The following EPHA6 variants were observed in gnomAD, a reference collection of about 807,000 sequenced individuals.
EPHA6 encodes EPH receptor A6.
In EPHA6, 50 loss-of-function variants were observed where a neutral mutation model predicts 112.0. The observed-to-expected ratio is 0.45, with a 90% CI of 0.36 to 0.56. The LOEUF (loss-of-function observed/expected upper bound fraction) is 0.56, where lower values mean the gene tolerates loss of function less well. Among genes scored for constraint, EPHA6 ranks in the 20% least tolerant of loss-of-function variants. The pLI is 0.00. For missense variants in EPHA6, 1,280 were observed against 1,417.4 expected, an observed-to-expected ratio of 0.90 and a Z score of 1.56; for synonymous variants, 529 against 490.7, an observed-to-expected ratio of 1.08 and a Z score of -1.03.
chr3:97,159,881 G>T (rs142412376), intron 3 of EPHA6, among the ~76,000 whole-genome samples: 1 of 152,104 alleles, frequency 6.6e-6, no homozygotes, highest in South Asian at 2.1e-4. Context: ...ATGTATCTAC[G>T]GTGTGTTATT....
At chr3:97,547,675 G>T (rs1335596224) in intron 11 of EPHA6, among the ~76,000 whole-genome samples, 1 of 152,216 alleles carries the variant, frequency 6.6e-6, no homozygotes, top group African/African-American at 2.4e-5. Context: ...GCCTACAGAG[G>T]CAGGCAGGAC....
At chr3:96,992,178 G>A (rs2043241275) in intron 3 of EPHA6, among the ~76,000 whole-genome samples, 2 of 152,088 alleles carry the variant, frequency 1.3e-5, no homozygotes, top group Non-Finnish European at 2.9e-5. Context: ...TCTCTTCCAA[G>A]CTATCACAGG....
At chr3:97,553,404 A>T (rs1277188496) in intron 11 of EPHA6, among the ~76,000 whole-genome samples, 2 of 152,054 alleles carry the variant, frequency 1.3e-5, no homozygotes, top group East Asian at 3.9e-4. Flanking sequence ...TACTTATTTT[A>T]TATGTTTTGG....
chr3:97,465,985 G>GTT (rs1300942199), intron 7 of EPHA6, among the ~76,000 whole-genome samples: 2 of 149,540 alleles, frequency 1.3e-5, no homozygotes, highest in African/African-American at 4.9e-5. Context: ...TTCTTTTTTT[G>GTT]TTTTTGCATC....
intron 5 of EPHA6, among the ~76,000 whole-genome samples, chr3:97,355,687 C>T (rs114220096): frequency 0.015 from 2,251 of 152,210 alleles, 50 homozygotes; most frequent in African/African-American, 0.049. Context: ...TTACCAATAA[C>T]AACATTGAAA....
chr3:97,103,481 T>C (rs2047469785), intron 3 of EPHA6, among the ~76,000 whole-genome samples: 1 of 152,144 alleles, frequency 6.6e-6, no homozygotes, highest in Admixed American at 6.6e-5. Flanking sequence ...TTGTTTATCC[T>C]ATTCCATTGG....
At chr3:97,106,106 G>A (rs114225934) in intron 3 of EPHA6, among the ~76,000 whole-genome samples, 2,001 of 152,086 alleles carry the variant, frequency 0.013, 40 homozygotes, top group African/African-American at 0.047. Flanking sequence ...TTACTAAAAT[G>A]TATATATTAA....
At chr3:97,613,851 A>G (rs2093740810) in intron 13 of EPHA6, among the ~76,000 whole-genome samples, 1 of 152,184 alleles carries the variant, frequency 6.6e-6, no homozygotes, top group Admixed American at 6.5e-5. Flanking sequence ...ATTCACACTA[A>G]TGTATTTTCT....
intron 3 of EPHA6, among the ~76,000 whole-genome samples, chr3:97,120,518 C>T (rs933799112): frequency 6.6e-6 from 1 of 151,680 alleles, no homozygotes; most frequent in African/African-American, 2.4e-5. Context: ...GACTGAGTCA[C>T]CACTTCTTCT....
chr3:96,832,301 AT>A (rs775208145), intron 1 of EPHA6, among the ~76,000 whole-genome samples: 1 of 152,036 alleles, frequency 6.6e-6, no homozygotes, highest in African/African-American at 2.4e-5. Context: ...GTTAGGTGTA[AT>A]TTTACTACTA....
chr3:97,428,079 G>T (rs2089273043), intron 6 of EPHA6, among the ~76,000 whole-genome samples: 1 of 152,058 alleles, frequency 6.6e-6, no homozygotes, highest in Non-Finnish European at 1.5e-5. Context: ...AAAAATATAT[G>T]AATAGTGTAT....
intron 14 of EPHA6, among the ~76,000 whole-genome samples, chr3:97,646,722 T>C (rs1321475160): frequency 1.3e-5 from 2 of 152,112 alleles, no homozygotes; most frequent in Non-Finnish European, 2.9e-5. Flanking sequence ...AGGTCCACCA[T>C]GCACTGGGTA....
intron 5 of EPHA6, among the ~76,000 whole-genome samples, chr3:97,366,165 A>G (rs2084713905): frequency 6.6e-6 from 1 of 152,228 alleles, no homozygotes; most frequent in Non-Finnish European, 1.5e-5. Flanking sequence ...AGAAACCTAC[A>G]CATTGTGATT....
chr3:96,853,160 A>G (rs568869622), intron 1 of EPHA6, among the ~76,000 whole-genome samples: 9 of 152,258 alleles, frequency 5.9e-5, no homozygotes, highest in Non-Finnish European at 1.0e-4. Context: ...AAAATGTATA[A>G]TTACAGCTTG....
At chr3:96,947,498 T>C (rs576525733) in intron 2 of EPHA6, among the ~76,000 whole-genome samples, 1 of 152,298 alleles carries the variant, frequency 6.6e-6, no homozygotes, top group African/African-American at 2.4e-5. Flanking sequence ...TGTAGATGTG[T>C]GGTATTATTT....
At chr3:96,923,537 C>CT (rs2039882501) in intron 2 of EPHA6, among the ~76,000 whole-genome samples, 1 of 151,638 alleles carries the variant, frequency 6.6e-6, no homozygotes, top group African/African-American at 2.4e-5. Context: ...GATGTTAGAC[C>CT]TTTGTCAGAT....
chr3:97,378,442 C>T lies in EPHA6; in HGVS notation c.1607-26708C>T, dbSNP rs567784121. Among the ~76,000 whole-genome samples, 174 of 152,268 alleles carry T rather than the reference C, an allele frequency of 1.1e-3. 1 individual carries two copies. Among genetic ancestry groups the T allele is most frequent in the South Asian group, 5.2e-3 (25 of 4,824 alleles). ...CGGAGCCCCCACGCAGAGTCCCTCC[C>T]GGGGCACCACCTAGTGGAGCTGTGA... On this transcript the variant is annotated intron_variant, in intron 5 of 17. Transcript: ENST00000389672.
At chr3:96,820,718 A>G (rs956232558) in intron 1 of EPHA6, among the ~76,000 whole-genome samples, 1 of 152,086 alleles carries the variant, frequency 6.6e-6, no homozygotes, top group Non-Finnish European at 1.5e-5. Context: ...TTGTTATTTC[A>G]AACCATTGTA....
At chr3:97,177,603 A>G (rs2076871639) in intron 3 of EPHA6, among the ~76,000 whole-genome samples, 1 of 151,696 alleles carries the variant, frequency 6.6e-6, no homozygotes, top group Non-Finnish European at 1.5e-5. Flanking sequence ...CTTTTTGCTG[A>G]TTCAACCCCT....
Sources: gnomAD v4.1 joint callset for allele counts (sites outside exome capture counted in the v4.1 genomes callset) on GRCh38, gnomAD v4.1.1 for gene constraint, MANE v1.5 for transcripts, NCBI Gene and HGNC (gene_info 2026-07-23, HGNC 2026-07-21) for gene names.